The following STAT4 variants were observed in gnomAD, a reference collection of about 807,000 sequenced individuals.
STAT4 encodes signal transducer and activator of transcription 4.
In STAT4, 42 loss-of-function variants were observed where a neutral mutation model predicts 110.5. The ratio of observed to expected loss-of-function variants is 0.38; its 90% CI spans 0.30 to 0.49. The LOEUF (loss-of-function observed/expected upper bound fraction) is 0.49, where lower values mean the gene tolerates loss of function less well. Among genes scored for constraint, STAT4 ranks in the 20% least tolerant of loss-of-function variants. STAT4 has a pLI of 0.95. For synonymous variants in STAT4, 284 were observed against 302.2 expected (o/e 0.94, Z 0.63); for missense variants, 632 against 887.9 (o/e 0.71, Z 3.66).
chr2:191,141,032 A>G (rs1699307065), intron 3 of STAT4, among the ~76,000 whole-genome samples: 1 of 152,050 alleles, frequency 6.6e-6, no homozygotes, highest in South Asian at 2.1e-4. Context: ...GAGCTAAGCT[A>G]TGAGGATGCA....
intron 3 of STAT4, among the ~76,000 whole-genome samples, chr2:191,132,149 T>C (rs767011734): frequency 9.9e-5 from 15 of 151,882 alleles, no homozygotes; most frequent in South Asian, 2.1e-4. Flanking sequence ...TATGCATCAG[T>C]AGGGCTAGTA....
At chr2:191,097,516 G>C (rs1698026314) in intron 3 of STAT4, among the ~76,000 whole-genome samples, 1 of 150,538 alleles carries the variant, frequency 6.6e-6, no homozygotes, top group African/African-American at 2.5e-5. Flanking sequence ...ACAAGAAATG[G>C]GGAAAGGATT....
At chr2:191,064,643 C>G (rs1696936890) in intron 8 of STAT4, among the ~76,000 whole-genome samples, 164 bp downstream of exon 8, 1 of 152,166 alleles carries the variant, frequency 6.6e-6, no homozygotes, top group African/African-American at 2.4e-5. Context: ...ACTAAGAACA[C>G]TTATACTATT....
rs953148704 is a variant in STAT4, at chr2:191,110,585, G to T, written c.274-34260C>A. Among the ~76,000 whole-genome samples, 1 of 152,034 alleles carries T rather than the reference G, an allele frequency of 6.6e-6. No homozygotes were observed. Among genetic ancestry groups the T allele is most frequent in the Non-Finnish European group, 1.5e-5 (1 of 67,990 alleles). Reference sequence around the variant, plus strand: ...AATTCCAATCTGAAAGTCTGAAAAAGACTTTTCTTTTGTCTTTAAAGTGCT... The same window carrying T: ...AATTCCAATCTGAAAGTCTGAAAAATACTTTTCTTTTGTCTTTAAAGTGCT... On this transcript the variant is annotated intron_variant, in intron 3 of 23. Coordinates refer to ENST00000392320, the MANE Select transcript of STAT4 (RefSeq NM_003151.4). The surrounding 1 kb of genome is among the most constrained non-coding windows in gnomAD (Gnocchi z 4.5).
At chr2:191,074,312 A>G (rs1367224989) in intron 4 of STAT4, among the ~76,000 whole-genome samples, 1 of 152,242 alleles carries the variant, frequency 6.6e-6, no homozygotes, top group African/African-American at 2.4e-5. Flanking sequence ...AATTCAGTGC[A>G]GTAACCTCAA....
At position 191,086,906 on chromosome 2, in the gene STAT4, T is replaced by G. The variant is rs902042088; in HGVS notation, c.274-10581A>C. Among the ~76,000 whole-genome samples, 1 of 152,130 alleles carries G rather than the reference T, an allele frequency of 6.6e-6. No homozygotes were observed. On this transcript the variant is annotated intron_variant, in intron 3 of 23. Coordinates refer to ENST00000392320, the MANE Select transcript of STAT4 (RefSeq NM_003151.4). The surrounding 1 kb of genome is among the most constrained non-coding windows in gnomAD (Gnocchi z 5.5). Reference sequence around the variant, plus strand: ...GCTCATGTTTGGACTTCTCAGAAAGTTCACTTGAACATCTGGTTTGAACTA... The same window carrying G: ...GCTCATGTTTGGACTTCTCAGAAAGGTCACTTGAACATCTGGTTTGAACTA...
chr2:191,066,932 C>T lies in STAT4; in HGVS notation c.545-417G>A, dbSNP rs1697004085. ...CATATTTGACTCTCTGTTGCCTTCA[C>T]ATACCCCTCCCTGCTCTGCTTCATA... On this transcript the variant is annotated intron_variant, in intron 6 of 23. Transcript: ENST00000392320. The surrounding 1 kb of genome is among the most constrained non-coding windows in gnomAD (Gnocchi z 4.3). Among the ~76,000 whole-genome samples the T allele has an allele frequency of 6.6e-6, 1 of 152,110 alleles. No individual in the cohort carries two copies. Among genetic ancestry groups the T allele is most frequent in the African/African-American group, 2.4e-5 (1 of 41,414 alleles).
At chr2:191,075,620 G>C (rs1437557747) in intron 4 of STAT4, among the ~76,000 whole-genome samples, 1 of 152,238 alleles carries the variant, frequency 6.6e-6, no homozygotes, top group East Asian at 1.9e-4. Context: ...CTGGAACAGA[G>C]TGTGGCCAGT....
At chr2:191,089,650 C>A (rs1337291980) in intron 3 of STAT4, among the ~76,000 whole-genome samples, 3 of 152,148 alleles carry the variant, frequency 2.0e-5, no homozygotes, top group Admixed American at 2.0e-4. Flanking sequence ...AAATTTGAAG[C>A]AACCAAGATA....
At chr2:191,101,573 A>G (rs1416498501) in intron 3 of STAT4, among the ~76,000 whole-genome samples, 3 of 152,170 alleles carry the variant, frequency 2.0e-5, no homozygotes, top group Non-Finnish European at 2.9e-5. Flanking sequence ...ATGCAATGAC[A>G]TATTCTTGGT....
rs1405816817 is a variant in STAT4 at position 191,063,833 on chromosome 2, A to G, written c.783-913T>C. ...AAATCAATGTTTTAAAATGAGTCAAACTCCTTACATTTCTTGACAAGTAGG... is the reference window on the plus strand; with the variant it reads ...AAATCAATGTTTTAAAATGAGTCAAGCTCCTTACATTTCTTGACAAGTAGG... On this transcript the variant is annotated intron_variant, in intron 8 of 23. Coordinates refer to ENST00000392320, the MANE Select transcript of STAT4 (RefSeq NM_003151.4). Among the ~76,000 whole-genome samples, 3 of 152,086 alleles carry G rather than the reference A, an allele frequency of 2.0e-5. No individual in the cohort carries two copies. In the East Asian group the frequency reaches 5.8e-4, roughly 29 times the overall value.
chr2:191,068,353 G>C (rs973298424), intron 6 of STAT4: 14 of 152,086 alleles, frequency 9.2e-5, no homozygotes, highest in Non-Finnish European at 1.6e-4. Context: ...TAGGGTTATG[G>C]ACTCCCCTTT....
chr2:191,093,646 A>G (rs1418830214), intron 3 of STAT4, among the ~76,000 whole-genome samples: 3 of 152,218 alleles, frequency 2.0e-5, no homozygotes, highest in Admixed American at 2.0e-4. Context: ...AAGAGCAGAA[A>G]AGCTGAGAAT....
rs1053920160 is a variant in STAT4, at chr2:191,138,367, C to T, written c.273+8246G>A. On this transcript the variant is annotated intron_variant, in intron 3 of 23. Coordinates refer to ENST00000392320, the MANE Select transcript of STAT4 (RefSeq NM_003151.4). This position sits in a 1 kb window ranked among gnomAD's most constrained non-coding sequence, Gnocchi z 4.3. ...ATTGATAGACCATTAGTGAGATTAACCAAAAAAAGAAGAGAGAAGATCCAA... is the reference window on the plus strand; with the variant it reads ...ATTGATAGACCATTAGTGAGATTAATCAAAAAAAGAAGAGAGAAGATCCAA... 6.6e-6 allele frequency among the ~76,000 whole-genome samples: 1 copy of T among 151,846 alleles called. No homozygotes were observed. Among genetic ancestry groups the T allele is most frequent in the East Asian group, 1.9e-4 (1 of 5,162 alleles).
At chr2:191,100,366 G>C (rs1367402173) in intron 3 of STAT4, among the ~76,000 whole-genome samples, 1 of 152,196 alleles carries the variant, frequency 6.6e-6, no homozygotes, top group African/African-American at 2.4e-5. Flanking sequence ...TAAGTCAACT[G>C]TGGGCATGAG....
intron 3 of STAT4, among the ~76,000 whole-genome samples, chr2:191,136,507 C>A (rs1292986513): frequency 6.6e-6 from 1 of 152,180 alleles, no homozygotes; most frequent in African/African-American, 2.4e-5. Flanking sequence ...ATCCCAGCAC[C>A]TTGGGAGGCC....
intron 14 of STAT4, among the ~76,000 whole-genome samples, chr2:191,049,336 T>C (rs1696453335): frequency 6.6e-6 from 1 of 151,896 alleles, no homozygotes; most frequent in East Asian, 1.9e-4. Flanking sequence ...CCACCACTCC[T>C]GGCTAATTTT....
At position 191,150,889 on chromosome 2, in the gene STAT4, CATA is replaced by C. The variant is rs1699577841; in HGVS notation, c.-2+55_-2+57del. On this transcript the variant is annotated intron_variant, in intron 1 of 23. Coordinates refer to ENST00000392320, the MANE Select transcript of STAT4 (RefSeq NM_003151.4). This position sits in a 1 kb window ranked among gnomAD's most constrained non-coding sequence, Gnocchi z 6.4. ...GAAAGCAAAGCTTCAGAGTATCCTG[CATA>C]ATAAGCATGTCCTCCTTACAAGAGG... 3 of 978,492 alleles carry C rather than the reference CATA, an allele frequency of 3.1e-6. No homozygotes were observed. 60.6% of individuals were successfully genotyped at this position (978,492 alleles called of 1,614,324 possible). A position where few individuals can be genotyped will look rare whatever the true frequency, so the allele number is the denominator to read the frequency against.
chr2:191,099,039 C>T lies in STAT4; in HGVS notation c.274-22714G>A, dbSNP rs1172890317. Among the ~76,000 whole-genome samples, 2 of 151,458 alleles carry T rather than the reference C, an allele frequency of 1.3e-5. No individual in the cohort carries two copies. The highest frequency in any genetic ancestry group is 2.9e-5 in the Non-Finnish European group (2 of 67,836). Reference sequence around the variant, plus strand: ...AGCCCTTTGAAATTGATTTAAAATGCCTGATAGAAGGAAGTGAATGGGAAA... The same window carrying T: ...AGCCCTTTGAAATTGATTTAAAATGTCTGATAGAAGGAAGTGAATGGGAAA... On this transcript the variant is annotated intron_variant, in intron 3 of 23. Coordinates refer to ENST00000392320, the MANE Select transcript of STAT4 (RefSeq NM_003151.4). This position sits in a 1 kb window ranked among gnomAD's most constrained non-coding sequence, Gnocchi z 4.1.
Sources: allele counts gnomAD v4.1 joint callset (sites outside exome capture counted in the v4.1 genomes callset), GRCh38; gene constraint gnomAD v4.1.1; non-coding constraint Gnocchi (gnomAD v3.1); transcripts MANE v1.5; gene names NCBI Gene and HGNC (gene_info 2026-07-23, HGNC 2026-07-21).